RALYL: variants seen among roughly 807,000 people sequenced by gnomAD.
RALYL encodes the protein RALY RNA binding protein like.
A neutral mutation model predicts 35.1 loss-of-function variants in RALYL; 29 were observed. That is an observed-to-expected ratio of 0.83 (90% CI 0.61 to 1.13). RALYL has a LOEUF of 1.13. RALYL is among the 50% of genes most tolerant of loss of function. RALYL has a pLI of 0.00. For synonymous variants in RALYL, 120 were observed against 127.6 expected (o/e 0.94, Z 0.40); for missense variants, 359 against 360.4 (o/e 1.00, Z 0.03).
intron 4 of RALYL, among the ~76,000 whole-genome samples, chr8:84,827,514 G>C (rs1333973435): frequency 6.6e-6 from 1 of 152,012 alleles, no homozygotes; most frequent in Non-Finnish European, 1.5e-5. Flanking sequence ...TTGTAACATG[G>C]AATGCTCAAG....
At chr8:84,289,667 A>G (rs987497516) in intron 1 of RALYL, among the ~76,000 whole-genome samples, 1 of 152,206 alleles carries the variant, frequency 6.6e-6, no homozygotes, top group Non-Finnish European at 1.5e-5. Flanking sequence ...TTAAATGAAG[A>G]ATGAAATATC....
intron 1 of RALYL, among the ~76,000 whole-genome samples, chr8:84,485,104 C>G (rs2054470071): frequency 6.6e-6 from 1 of 152,134 alleles, no homozygotes; most frequent in South Asian, 2.1e-4. Context: ...CCTCTTCTAA[C>G]TTTCTAATAT....
At chr8:84,896,684 A>C (rs1320686956) in intron 8 of RALYL, among the ~76,000 whole-genome samples, 2 of 152,100 alleles carry the variant, frequency 1.3e-5, no homozygotes, top group African/African-American at 4.8e-5. Context: ...CATTTGCTGC[A>C]CCCCTGAATG....
chr8:84,887,022 T>C (rs1445231747), intron 7 of RALYL, among the ~76,000 whole-genome samples: 2 of 152,194 alleles, frequency 1.3e-5, no homozygotes, highest in Non-Finnish European at 2.9e-5. Context: ...TTCTTAACCA[T>C]TGAAGTTAAC....
intron 1 of RALYL, among the ~76,000 whole-genome samples, chr8:84,337,298 C>T (rs1442127718): frequency 3.3e-5 from 5 of 150,342 alleles, no homozygotes; most frequent in African/African-American, 7.3e-5. Flanking sequence ...AATGCCAGCT[C>T]ATTCGAGGAA....
chr8:84,306,554 G>A (rs1841852669), intron 1 of RALYL, among the ~76,000 whole-genome samples: 1 of 152,074 alleles, frequency 6.6e-6, no homozygotes, highest in Non-Finnish European at 1.5e-5. Flanking sequence ...CTTCAGGAAA[G>A]TGCCTGGGAC....
At chr8:84,419,332 C>G (rs2045162030) in intron 1 of RALYL, among the ~76,000 whole-genome samples, 1 of 152,124 alleles carries the variant, frequency 6.6e-6, no homozygotes, top group Admixed American at 6.6e-5. Context: ...TCTGCTTTAG[C>G]AAACTCACTG....
chr8:84,260,496 A>G (rs1314761857), intron 1 of RALYL, among the ~76,000 whole-genome samples: 1 of 152,150 alleles, frequency 6.6e-6, no homozygotes, highest in Non-Finnish European at 1.5e-5. Context: ...GAGAGAGAAC[A>G]TGGAAGCTGC....
chr8:84,617,004 A>G (rs1819882850), intron 2 of RALYL, among the ~76,000 whole-genome samples: 2 of 150,152 alleles, frequency 1.3e-5, no homozygotes, highest in Non-Finnish European at 1.5e-5. Context: ...GCCTTGTAGT[A>G]TAGTTTGAAG....
At chr8:84,803,630 G>A (rs113169071) in intron 3 of RALYL, among the ~76,000 whole-genome samples, 2 of 152,076 alleles carry the variant, frequency 1.3e-5, no homozygotes, top group South Asian at 4.2e-4. Flanking sequence ...GATTGCTAAG[G>A]CACTTGCTTC....
At chr8:84,273,983 GTTC>G (rs1323426450) in intron 1 of RALYL, among the ~76,000 whole-genome samples, 9 of 152,052 alleles carry the variant, frequency 5.9e-5, no homozygotes, top group Non-Finnish European at 1.3e-4. Flanking sequence ...TGTCCACTGC[GTTC>G]TTCTTTTCTT....
chr8:84,508,321 C>A (rs1395641862), intron 1 of RALYL, among the ~76,000 whole-genome samples: 1 of 152,144 alleles, frequency 6.6e-6, no homozygotes, highest in Non-Finnish European at 1.5e-5. Context: ...AGCTGCATCA[C>A]ACATAGGAAG....
chr8:84,396,997 T>A (rs1337231773), intron 1 of RALYL, among the ~76,000 whole-genome samples: 2 of 152,064 alleles, frequency 1.3e-5, no homozygotes, highest in Non-Finnish European at 1.5e-5. Context: ...ACTTAGCTAA[T>A]GTGGTCAACG....
intron 2 of RALYL, among the ~76,000 whole-genome samples, chr8:84,734,673 G>T (rs1194539148): frequency 6.6e-6 from 1 of 152,064 alleles, no homozygotes; most frequent in Non-Finnish European, 1.5e-5. Flanking sequence ...TCTGTTCTGA[G>T]TCCCTGCATC....
At chr8:84,607,805 G>T (rs1285928779) in intron 2 of RALYL, among the ~76,000 whole-genome samples, 1 of 151,876 alleles carries the variant, frequency 6.6e-6, no homozygotes, top group African/African-American at 2.4e-5. Flanking sequence ...AACCCTCTGG[G>T]GTCAAGGTTC....
At chr8:84,504,448 A>C (rs2056987841) in intron 1 of RALYL, among the ~76,000 whole-genome samples, 1 of 152,170 alleles carries the variant, frequency 6.6e-6, no homozygotes, top group Non-Finnish European at 1.5e-5. Context: ...CTGTGCATAT[A>C]ACTTTACCCT....
intron 2 of RALYL, among the ~76,000 whole-genome samples, chr8:84,680,327 T>C (rs1835165310): frequency 6.6e-6 from 1 of 152,172 alleles, no homozygotes; most frequent in Non-Finnish European, 1.5e-5. Flanking sequence ...CATGTGTCTT[T>C]ATAGCAGCAT....
At chr8:84,455,045 A>C (rs936074355) in intron 1 of RALYL, among the ~76,000 whole-genome samples, 3 of 152,010 alleles carry the variant, frequency 2.0e-5, no homozygotes, top group African/African-American at 7.2e-5. Flanking sequence ...TATAATATAA[A>C]ATTCTTTGCC....
chr8:84,692,306 A>G (rs1275624354), intron 2 of RALYL, among the ~76,000 whole-genome samples: 2 of 151,986 alleles, frequency 1.3e-5, no homozygotes, highest in African/African-American at 4.8e-5. Context: ...CAAAAACAAT[A>G]TGGACTGCTC....
Sources: gnomAD v4.1 joint callset for allele counts (sites outside exome capture counted in the v4.1 genomes callset) on GRCh38, gnomAD v4.1.1 for gene constraint, MANE v1.5 for transcripts, NCBI Gene and HGNC (gene_info 2026-07-23, HGNC 2026-07-21) for gene names.